The following ADGRL2 variants were observed in gnomAD, a reference collection of about 807,000 sequenced individuals.
ADGRL2 encodes calcium-independent alpha-latrotoxin receptor 2.
A neutral mutation model predicts 157.4 loss-of-function variants in ADGRL2; 44 were observed. The observed-to-expected ratio is 0.28, with a 90% CI of 0.22 to 0.36. The LOEUF (loss-of-function observed/expected upper bound fraction) is 0.36. Ranked by LOEUF, ADGRL2 falls within the 10% of genes least tolerant of loss-of-function variation. The probability of loss-of-function intolerance (pLI) is 1.00; values close to 1 mark genes in which losing one functional copy is unlikely to be tolerated. For synonymous variants in ADGRL2, 585 were observed against 624.7 expected, an observed-to-expected ratio of 0.94 and a Z score of 0.95; for missense variants, 1,510 against 1,768.9, an observed-to-expected ratio of 0.85 and a Z score of 2.63.
intron 3 of ADGRL2, among the ~76,000 whole-genome samples, chr1:81,617,523 G>A (rs978304736): frequency 4.6e-5 from 7 of 152,290 alleles, no homozygotes; most frequent in Admixed American, 2.6e-4. Flanking sequence ...GCTTTCTTTC[G>A]CAACTTTTGG....
At chr1:81,733,244 T>C (rs900520586) in intron 1 of ADGRL2, among the ~76,000 whole-genome samples, 1 of 152,172 alleles carries the variant, frequency 6.6e-6, no homozygotes, top group Non-Finnish European at 1.5e-5. Context: ...CTAAAGAAAC[T>C]AAAGAAAGCA....
intron 3 of ADGRL2, among the ~76,000 whole-genome samples, chr1:81,582,271 T>C (rs545852419): frequency 2.0e-5 from 3 of 152,200 alleles, no homozygotes; most frequent in East Asian, 3.9e-4. Flanking sequence ...AAAACTTCAG[T>C]AGAAACTTGT....
At chr1:81,980,658 T>A (rs1024628865) in intron 18 of ADGRL2, 4 of 454,532 alleles carry the variant, frequency 8.8e-6, no homozygotes, top group Non-Finnish European at 1.6e-5. Flanking sequence ...ATAGTAAGGG[T>A]AAATTTTTTT....
intron 3 of ADGRL2, among the ~76,000 whole-genome samples, chr1:81,920,830 A>G (rs1027830392): frequency 3.9e-5 from 6 of 151,904 alleles, no homozygotes; most frequent in African/African-American, 1.2e-4. Flanking sequence ...ATAGGAATCT[A>G]GTAATTAAGT....
chr1:81,499,226 A>G (rs2078793153), intron 2 of ADGRL2, among the ~76,000 whole-genome samples: 1 of 152,276 alleles, frequency 6.6e-6, no homozygotes, highest in South Asian at 2.1e-4. Context: ...CTTTGGTCCA[A>G]TAAACCATTG....
At chr1:81,457,472 C>A (rs978731905) in intron 2 of ADGRL2, among the ~76,000 whole-genome samples, 1 of 151,940 alleles carries the variant, frequency 6.6e-6, no homozygotes, top group African/African-American at 2.4e-5. Context: ...GTAGTGTTAT[C>A]TATTCTTTAC....
At chr1:81,598,093 G>A (rs565631028) in intron 3 of ADGRL2, among the ~76,000 whole-genome samples, 20 of 152,312 alleles carry the variant, frequency 1.3e-4, no homozygotes, top group Non-Finnish European at 1.6e-4. Context: ...TTGGTAAACT[G>A]AGCATATTCT....
intron 3 of ADGRL2, among the ~76,000 whole-genome samples, chr1:81,631,186 T>C (rs1035119330): frequency 5.3e-5 from 8 of 152,164 alleles, no homozygotes; most frequent in African/African-American, 1.7e-4. Context: ...ATTTACAGTT[T>C]GGAACCAACC....
At chr1:81,945,669 G>C (rs1649580162) in intron 6 of ADGRL2, among the ~76,000 whole-genome samples, 2 of 152,096 alleles carry the variant, frequency 1.3e-5, no homozygotes, top group South Asian at 4.1e-4. Context: ...GGAAAGAGCA[G>C]TTAACAGCCT....
intron 1 of ADGRL2, among the ~76,000 whole-genome samples, chr1:81,710,138 C>T (rs1028435941): frequency 6.6e-6 from 1 of 152,120 alleles, no homozygotes; most frequent in African/African-American, 2.4e-5. Flanking sequence ...TCTAACGTGT[C>T]AGATTCTTCT....
intron 2 of ADGRL2, among the ~76,000 whole-genome samples, chr1:81,463,242 G>A (rs541831993): frequency 1.3e-5 from 2 of 151,934 alleles, no homozygotes; most frequent in Non-Finnish European, 2.9e-5. Context: ...ACAGATGTGG[G>A]TTGGATTCCT....
chr1:81,439,914 A>G (rs1280553493), intron 1 of ADGRL2, among the ~76,000 whole-genome samples: 1 of 152,202 alleles, frequency 6.6e-6, no homozygotes, highest in African/African-American at 2.4e-5. Flanking sequence ...GAAGGCAGAG[A>G]ATTTTGTTGA....
At chr1:81,375,262 A>G (rs146896575) in intron 1 of ADGRL2, among the ~76,000 whole-genome samples, 1 of 152,234 alleles carries the variant, frequency 6.6e-6, no homozygotes, top group Non-Finnish European at 1.5e-5. Context: ...AGGAGGTATC[A>G]GTATAGCCCA....
chr1:81,393,971 C>G (rs1471727273), intron 1 of ADGRL2, among the ~76,000 whole-genome samples: 1 of 151,872 alleles, frequency 6.6e-6, no homozygotes, highest in Non-Finnish European at 1.5e-5. Context: ...ATCCTAACAC[C>G]TTTCAGGGAA....
At chr1:81,311,388 T>C (rs987472245) in intron 1 of ADGRL2, among the ~76,000 whole-genome samples, 6 of 152,182 alleles carry the variant, frequency 3.9e-5, no homozygotes, top group African/African-American at 1.2e-4. Context: ...CAAGTCAGCC[T>C]CTAATTACGT....
At chr1:81,781,644 G>C (rs1201168097) in intron 2 of ADGRL2, among the ~76,000 whole-genome samples, 1 of 152,168 alleles carries the variant, frequency 6.6e-6, no homozygotes, top group Non-Finnish European at 1.5e-5. Context: ...ATACACACCT[G>C]CGATTTCCCA....
At chr1:81,755,784 A>G (rs1571088566) in intron 1 of ADGRL2, among the ~76,000 whole-genome samples, 1 of 151,980 alleles carries the variant, frequency 6.6e-6, no homozygotes, top group Non-Finnish European at 1.5e-5. Context: ...TCATGCTGTA[A>G]CTGCTAGAGG....
At chr1:81,425,087 G>A (rs2077188076) in intron 1 of ADGRL2, among the ~76,000 whole-genome samples, 1 of 152,120 alleles carries the variant, frequency 6.6e-6, no homozygotes, top group South Asian at 2.1e-4. Context: ...AAATCCCCTA[G>A]CTCCATTCCA....
chr1:81,692,630 G>A (rs12060736), intron 3 of ADGRL2, among the ~76,000 whole-genome samples: 2,872 of 152,238 alleles, frequency 0.019, 86 homozygotes, highest in African/African-American at 0.06. Context: ...ATAGCACATC[G>A]TAATTCTCTA....
Sources: allele counts gnomAD v4.1 joint callset (sites outside exome capture counted in the v4.1 genomes callset), GRCh38; gene constraint gnomAD v4.1.1; transcripts MANE v1.5; gene names NCBI Gene and HGNC (gene_info 2026-07-23, HGNC 2026-07-21).